The following GSE1 variants were observed in gnomAD, a reference collection of about 807,000 sequenced individuals.
The protein encoded by GSE1 is genetic suppressor element 1.
GSE1 carries 32 observed loss-of-function variants against 112.6 expected under a neutral mutation model. The observed-to-expected ratio is 0.28, with a 90% CI of 0.21 to 0.38. GSE1 has a LOEUF of 0.38. Ranked by LOEUF, GSE1 falls within the 10% of genes least tolerant of loss-of-function variation. The pLI is 1.00. For missense variants in GSE1, 2,348 were observed against 1,699.2 expected, an observed-to-expected ratio of 1.38 and a Z score of -6.71; for synonymous variants, 1,115 against 735.6, an observed-to-expected ratio of 1.52 and a Z score of -8.35.
At chr16:85,663,991 T>A (rs1598677364) in intron 11 of GSE1, among the ~76,000 whole-genome samples, 1 of 152,332 alleles carries the variant, frequency 6.6e-6, no homozygotes, top group East Asian at 1.9e-4. Flanking sequence ...GCTTAGGTGG[T>A]CTGCTGGGTG....
At chr16:85,403,412 A>G (rs1160329686) in intron 2 of GSE1, among the ~76,000 whole-genome samples, 1 of 152,052 alleles carries the variant, frequency 6.6e-6, no homozygotes, top group East Asian at 1.9e-4. Flanking sequence ...TGCCCCCAAC[A>G]CTGAGTGTTC....
chr16:85,653,503 C>A (rs775875117), intron 3 of GSE1, among the ~76,000 whole-genome samples: 1 of 151,206 alleles, frequency 6.6e-6, no homozygotes, highest in Non-Finnish European at 1.5e-5. Flanking sequence ...CCTCCTCCTG[C>A]TTTGTGCCTG....
chr16:85,317,691 C>T (rs774849372), intron 1 of GSE1, among the ~76,000 whole-genome samples: 2 of 152,150 alleles, frequency 1.3e-5, no homozygotes, highest in African/African-American at 4.8e-5. Context: ...GATTGAGCCC[C>T]GGTGCCCACA....
chr16:85,285,213 C>G (rs920436350), intron 1 of GSE1: 1 of 152,196 alleles, frequency 6.6e-6, no homozygotes, highest in African/African-American at 2.4e-5. Context: ...CAAGGGGAAC[C>G]CAATGTCATT....
upstream of GSE1, among the ~76,000 whole-genome samples, chr16:85,606,919 G>C (rs2047729746): frequency 6.6e-6 from 1 of 152,212 alleles, no homozygotes; most frequent in South Asian, 2.1e-4. Flanking sequence ...CCCTGCCTCG[G>C]CCTGGCCCCG....
At position 85,668,137 on chromosome 16, in the gene GSE1, C is replaced by T. The variant is rs369561858; in HGVS notation, c.3131-3C>T. ...ACTGATGCAAGCCCTGTCCCCTCCACAGGGAGCGTGGCTGTGCTGTCTGCA... is the reference window on the plus strand; with the variant it reads ...ACTGATGCAAGCCCTGTCCCCTCCATAGGGAGCGTGGCTGTGCTGTCTGCA... On this transcript the variant is annotated splice_polypyrimidine_tract_variant and splice_region_variant and intron_variant, in intron 13 of 15. Coordinates refer to ENST00000253458, the MANE Select transcript of GSE1 (RefSeq NM_014615.5). 1.2e-4 allele frequency: 183 copies of T among 1,564,094 alleles called. 1 individual carries two copies. The highest frequency in any genetic ancestry group is 9.4e-4 in the Middle Eastern group (5 of 5,344).
chr16:85,319,611 A>G (rs542459879), intron 1 of GSE1, among the ~76,000 whole-genome samples: 31 of 152,292 alleles, frequency 2.0e-4, no homozygotes, highest in Middle Eastern at 3.4e-3. Flanking sequence ...AGATGAGCAT[A>G]TTGAGGCTCC....
upstream of GSE1, chr16:85,613,267 C>T: frequency 6.5e-7 from 1 of 1,533,188 alleles, no homozygotes; most frequent in Admixed American, 2.0e-5. Context: ...CCGGAAGCTC[C>T]ACCTCCCCAG....
intron 2 of GSE1, among the ~76,000 whole-genome samples, chr16:85,409,540 G>GCC (rs531534687): frequency 1.4e-4 from 1 of 7,064 alleles, no homozygotes; most frequent in African/African-American, 1.7e-4. Context: ...TACACTCAGG[G>GCC]CACCTGGATA....
At chr16:85,288,293 A>G (rs901368829) in intron 1 of GSE1, among the ~76,000 whole-genome samples, 1 of 152,206 alleles carries the variant, frequency 6.6e-6, no homozygotes, top group Admixed American at 6.5e-5. Context: ...ACGCACTTTG[A>G]CATTTAAAAA....
chr16:85,258,688 C>T (rs1047812962), intron 1 of GSE1, among the ~76,000 whole-genome samples: 2 of 152,082 alleles, frequency 1.3e-5, no homozygotes, highest in Admixed American at 6.5e-5. Flanking sequence ...GAGGGGTTCC[C>T]AGATGTCCTT....
At chr16:85,240,441 C>G (rs1905082262) in intron 1 of GSE1, among the ~76,000 whole-genome samples, 1 of 152,254 alleles carries the variant, frequency 6.6e-6, no homozygotes. Flanking sequence ...CTTCCGACCC[C>G]TGCATTCCTC....
At chr16:85,642,312 A>C (rs770277372) in intron 2 of GSE1, among the ~76,000 whole-genome samples, 1 of 152,240 alleles carries the variant, frequency 6.6e-6, no homozygotes, top group African/African-American at 2.4e-5. Flanking sequence ...CCCTGTCTCT[A>C]AAAATATTTT....
At chr16:85,657,759 C>G (rs1378936488) in intron 8 of GSE1, among the ~76,000 whole-genome samples, 155 bp downstream of exon 8, 2 of 152,228 alleles carry the variant, frequency 1.3e-5, no homozygotes, top group African/African-American at 2.4e-5. Context: ...TAATGCCTGT[C>G]TTGCCTATGG....
intron 2 of GSE1, among the ~76,000 whole-genome samples, chr16:85,486,752 C>T (rs75511474): frequency 0.13 from 19,493 of 152,130 alleles, 1,363 homozygotes; most frequent in South Asian, 0.18. Context: ...TCCTGTTGCA[C>T]AGGCTGTTCT....
At chr16:85,369,447 T>C (rs1210612940) in intron 2 of GSE1, among the ~76,000 whole-genome samples, 1 of 152,088 alleles carries the variant, frequency 6.6e-6, no homozygotes, top group Non-Finnish European at 1.5e-5. Flanking sequence ...AAATCCAGGC[T>C]TCAAGCAGTC....
intron 2 of GSE1, among the ~76,000 whole-genome samples, chr16:85,515,637 C>T (rs1202069472): frequency 1.7e-4 from 13 of 77,204 alleles, no homozygotes; most frequent in Non-Finnish European, 2.4e-4. Flanking sequence ...CTGAACAGGT[C>T]GGGGGGCGTG....
chr16:85,584,213 G>T (rs1430707178), intron 1 of GSE1, among the ~76,000 whole-genome samples: 3 of 152,150 alleles, frequency 2.0e-5, no homozygotes, highest in Non-Finnish European at 4.4e-5. Flanking sequence ...TCCCCAAGAT[G>T]CCAGGCTGGT....
chr16:85,641,309 G>GC (rs2050427846), intron 2 of GSE1, among the ~76,000 whole-genome samples: 1 of 152,142 alleles, frequency 6.6e-6, no homozygotes, highest in African/African-American at 2.4e-5. Context: ...CACATAATCC[G>GC]CCCCCGGCAA....
Sources: allele counts gnomAD v4.1 joint callset (sites outside exome capture counted in the v4.1 genomes callset), GRCh38; gene constraint gnomAD v4.1.1; transcripts MANE v1.5; gene names NCBI Gene and HGNC (gene_info 2026-07-23, HGNC 2026-07-21).